SLC1A2: variants seen among roughly 807,000 people sequenced by gnomAD.
SLC1A2 encodes the protein solute carrier family 1 member 2.
A neutral mutation model predicts 48.8 loss-of-function variants in SLC1A2; 15 were observed. The ratio of observed to expected loss-of-function variants is 0.31; its 90% CI spans 0.21 to 0.47. The LOEUF is 0.47. SLC1A2 is among the 20% of genes least tolerant of loss of function. SLC1A2 has a pLI of 0.99. For missense variants in SLC1A2, 502 were observed against 730.5 expected (o/e 0.69, Z 3.61); for synonymous variants, 279 against 272.6 (o/e 1.02, Z -0.23).
At chr11:35,305,019 T>G (rs1851461675) in intron 5 of SLC1A2, among the ~76,000 whole-genome samples, 1 of 152,332 alleles carries the variant, frequency 6.6e-6, no homozygotes, top group African/African-American at 2.4e-5. Flanking sequence ...CATCCAAACC[T>G]TTAGAAATTG....
intron 8 of SLC1A2, among the ~76,000 whole-genome samples, chr11:35,285,025 A>G (rs1320661316): frequency 7.9e-5 from 12 of 152,234 alleles, no homozygotes; most frequent in Admixed American, 7.9e-4. Context: ...AGTTTCTAAT[A>G]TAGAGATTGA....
At position 35,292,666 on chromosome 11, in the gene SLC1A2, T is replaced by C. The variant is rs921163482; in HGVS notation, c.858-146A>G. 118 of 589,598 alleles carry C rather than the reference T, an allele frequency of 2.0e-4. No homozygotes were observed. In the South Asian group the frequency reaches 2.1e-3, roughly 11 times the overall value. The allele number at this position is 589,598 out of a possible 1,614,324, so 36.5% of individuals were successfully genotyped here. A position where few individuals can be genotyped will look rare whatever the true frequency, so the allele number is the denominator to read the frequency against. On this transcript the variant is annotated intron_variant, in intron 6 of 10. Coordinates refer to ENST00000278379, the MANE Select transcript of SLC1A2 (RefSeq NM_004171.4). Reference sequence around the variant, plus strand: ...GCTGAGAAAAGTTCATGTTATTTTTTACTTTGGACCACTTCCCTTAACCAA... The same window carrying C: ...GCTGAGAAAAGTTCATGTTATTTTTCACTTTGGACCACTTCCCTTAACCAA...
At chr11:35,304,139 C>T (rs1313096486) in intron 5 of SLC1A2, among the ~76,000 whole-genome samples, 1 of 152,078 alleles carries the variant, frequency 6.6e-6, no homozygotes, top group African/African-American at 2.4e-5. Context: ...GAACAAAACC[C>T]TCTTGGACTT....
intron 1 of SLC1A2, among the ~76,000 whole-genome samples, chr11:35,411,027 G>T (rs1000859549): frequency 7.9e-5 from 12 of 152,160 alleles, no homozygotes; most frequent in African/African-American, 2.9e-4. Flanking sequence ...AATAGATAAT[G>T]AGTTCTACAT....
chr11:35,404,514 C>T (rs1126356), intron 1 of SLC1A2: 11,862 of 152,294 alleles, frequency 0.078, 1,086 homozygotes, highest in African/African-American at 0.22. Context: ...CCGGTTGTTA[C>T]TCCAGGTCAC....
intron 1 of SLC1A2, among the ~76,000 whole-genome samples, chr11:35,376,135 A>G (rs1854221738): frequency 6.6e-6 from 1 of 152,180 alleles, no homozygotes; most frequent in South Asian, 2.1e-4. Flanking sequence ...AGTGCAGTCA[A>G]TTAAAAGCTA....
In SLC1A2 at chr11:35,409,975, G is replaced by T. The variant is rs1855411081; in HGVS notation, c.17+8975C>A. On this transcript the variant is annotated intron_variant, in intron 1 of 10. Coordinates refer to ENST00000278379, the MANE Select transcript of SLC1A2 (RefSeq NM_004171.4). ...AGATGATGACCTTGAATTCTCCCCA[G>T]CCTGCCCATCAGAATCCACTTTCCC... 2.6e-5 allele frequency among the ~76,000 whole-genome samples: 4 copies of T among 151,968 alleles called. No homozygotes were observed. In the South Asian group the frequency reaches 8.3e-4, roughly 32 times the overall value.
intron 1 of SLC1A2, among the ~76,000 whole-genome samples, chr11:35,333,310 G>C (rs1391456701): frequency 6.6e-6 from 1 of 151,908 alleles, no homozygotes; most frequent in Non-Finnish European, 1.5e-5. Flanking sequence ...CCAGCTACTG[G>C]GGAGGCTGAC....
At chr11:35,329,154 C>A (rs1002831678) in intron 1 of SLC1A2, among the ~76,000 whole-genome samples, 2 of 152,174 alleles carry the variant, frequency 1.3e-5, no homozygotes, top group African/African-American at 4.8e-5. Flanking sequence ...TTTGAAAAGG[C>A]TACATACTGT....
intron 1 of SLC1A2, among the ~76,000 whole-genome samples, chr11:35,371,960 G>A (rs1157320896): frequency 6.6e-6 from 1 of 152,240 alleles, no homozygotes; most frequent in Non-Finnish European, 1.5e-5. Flanking sequence ...AGTAGCCTGA[G>A]AGTTCTGGAG....
At chr11:35,357,013 G>A (rs576156230) in intron 1 of SLC1A2, among the ~76,000 whole-genome samples, 42 of 152,034 alleles carry the variant, frequency 2.8e-4, no homozygotes, top group Non-Finnish European at 4.6e-4. Flanking sequence ...AGGTCGAGGC[G>A]GGCAGATCAT....
chr11:35,388,510 C>T (rs748445963), intron 1 of SLC1A2, among the ~76,000 whole-genome samples: 24 of 152,168 alleles, frequency 1.6e-4, no homozygotes, highest in Non-Finnish European at 3.4e-4. Context: ...TCCTCCTGCC[C>T]CAATCTCCAA....
chr11:35,345,800 G>A (rs1309329224), intron 1 of SLC1A2, among the ~76,000 whole-genome samples: 5 of 152,182 alleles, frequency 3.3e-5, no homozygotes, highest in African/African-American at 1.2e-4. Context: ...TGATGAATAT[G>A]AAAATCACCA....
intron 7 of SLC1A2, among the ~76,000 whole-genome samples, chr11:35,288,033 A>C (rs1850881544): frequency 6.6e-6 from 1 of 152,180 alleles, no homozygotes; most frequent in African/African-American, 2.4e-5. Flanking sequence ...TACTGGTCAG[A>C]ATTAGTGACC....
chr11:35,376,828 C>T lies in SLC1A2; in HGVS notation c.17+42122G>A, dbSNP rs1346307928. On this transcript the variant is annotated intron_variant, in intron 1 of 10. Coordinates refer to ENST00000278379, the MANE Select transcript of SLC1A2 (RefSeq NM_004171.4). ...CTTCAAGATATGAATCTATCATCTC[C>T]CCCTCTCTTTGACTCATATCCTCAA... is the stretch of plus-strand genomic sequence containing the variant. Among the ~76,000 whole-genome samples, 5 of 152,198 alleles carry T rather than the reference C, an allele frequency of 3.3e-5. No individual in the cohort carries two copies. In the East Asian group the frequency reaches 7.7e-4, roughly 23 times the overall value.
intron 9 of SLC1A2, 148 bp downstream of exon 9, chr11:35,280,719 C>T (rs1259760849): frequency 1.1e-5 from 6 of 553,012 alleles, no homozygotes; most frequent in Non-Finnish European, 1.9e-5. Flanking sequence ...TCAAATAGGT[C>T]CTCAGTAAAT....
intron 1 of SLC1A2, among the ~76,000 whole-genome samples, chr11:35,388,329 G>A (rs1263735844): frequency 6.6e-6 from 1 of 152,146 alleles, no homozygotes; most frequent in African/African-American, 2.4e-5. Flanking sequence ...ATCTTTTACG[G>A]CACTACATAC....
rs1950328995 is a variant in SLC1A2 at position 35,257,488 on chromosome 11, T to C, written c.*3406A>G. The C allele has an allele frequency of 6.6e-6, 1 of 152,226 alleles. No homozygotes were observed. The highest frequency in any genetic ancestry group is 2.1e-4 in the South Asian group (1 of 4,830). 9.4% of individuals were successfully genotyped at this position (152,226 alleles called of 1,614,324 possible). A position where few individuals can be genotyped will look rare whatever the true frequency, so the allele number is the denominator to read the frequency against. On this transcript the variant is annotated 3_prime_UTR_variant, in exon 11 of 11. Transcript: ENST00000278379. ...AAACTGAAACTGATAGCTATGTGGT[T>C]CAGCTCTCATAACCTAGAGTCCTAT...
At chr11:35,312,588 A>G in intron 3 of SLC1A2, 140 bp from the exon 4 acceptor site, 1 of 1,017,404 alleles carries the variant, frequency 9.8e-7, no homozygotes, top group Non-Finnish European at 1.4e-6. Flanking sequence ...TCTTCCCTCA[A>G]TATCCATGAG....
Sources: allele counts gnomAD v4.1 joint callset (sites outside exome capture counted in the v4.1 genomes callset), GRCh38; gene constraint gnomAD v4.1.1; transcripts MANE v1.5; gene names NCBI Gene and HGNC (gene_info 2026-07-23, HGNC 2026-07-21).